Variants in RTN2 observed in about 807,000 individuals in gnomAD.
The protein encoded by RTN2 is reticulon 2.
Under a neutral mutation model 63.7 loss-of-function variants are expected in RTN2, and 36 were observed. That is an observed-to-expected ratio of 0.56 (90% CI 0.43 to 0.75). The LOEUF (loss-of-function observed/expected upper bound fraction) is 0.75. Ranked by LOEUF, RTN2 falls within the 30% of genes least tolerant of loss-of-function variation. RTN2 has a pLI of 0.00. For synonymous variants in RTN2, 312 were observed against 313.0 expected, an observed-to-expected ratio of 1.00 and a Z score of 0.03; for missense variants, 673 against 705.1, an observed-to-expected ratio of 0.95 and a Z score of 0.52.
chr19:45,496,453 A>G (rs1473918418), intron 1 of RTN2: 3 of 251,476 alleles, frequency 1.2e-5, no homozygotes, highest in Admixed American at 5.5e-5. Flanking sequence ...CCCTCCGTTC[A>G]ACCCCCTCCC....
intron 8 of RTN2, 44 bp downstream of exon 8, chr19:45,488,593 A>G (rs756813781): frequency 1.2e-6 from 2 of 1,612,990 alleles, no homozygotes; most frequent in Admixed American, 1.7e-5. Flanking sequence ...GTCCCCCACC[A>G]GACTCCAAGT....
chr19:45,488,326 A>G (rs1001395656), intron 9 of RTN2, 145 bp downstream of exon 9: 2 of 768,112 alleles, frequency 2.6e-6, no homozygotes, highest in South Asian at 3.3e-5. Flanking sequence ...CATGTTACTT[A>G]GACTCTGGTT....
intron 4 of RTN2, 171 bp downstream of exon 4, chr19:45,493,995 A>C: frequency 1.8e-6 from 2 of 1,138,136 alleles, no homozygotes; most frequent in Non-Finnish European, 1.2e-6. Context: ...CGGCCGGGGA[A>C]ATTTTTTTAA....
chr19:45,494,144 C>T lies in RTN2; in HGVS notation c.814+22G>A. The stretch of plus-strand genomic sequence containing the variant: ...TTTTGCCTTCTGTGGGCCAATGCAG[C>T]ATCTTCATACACGTTGCTTACCTAG... On this transcript the variant is annotated intron_variant, in intron 4 of 10. Coordinates refer to ENST00000245923, the MANE Select transcript of RTN2 (RefSeq NM_005619.5). This position sits in a 1 kb window ranked among gnomAD's most constrained non-coding sequence, Gnocchi z 5.3. 1 of 1,597,538 alleles carries T rather than the reference C, an allele frequency of 6.3e-7. No homozygotes were observed. The highest frequency in any genetic ancestry group is 8.5e-7 in the Non-Finnish European group (1 of 1,177,988).
chr19:45,493,429 C>A, intron 4 of RTN2, 51 bp from the exon 5 acceptor site: 1 of 1,310,316 alleles, frequency 7.6e-7, no homozygotes, highest in Non-Finnish European at 1.1e-6. Flanking sequence ...TACAACTGGC[C>A]AATAGATGTG....
intron 4 of RTN2, 175 bp downstream of exon 4, chr19:45,493,991 G>A: frequency 1.8e-6 from 2 of 1,092,054 alleles, no homozygotes; most frequent in South Asian, 3.1e-5. Context: ...CGCCCGGCCG[G>A]GGAAATTTTT....
chr19:45,487,583 G>GTTTTTTTTTTTTTTTTTTTTTTTTTGTTT (rs4031036), intron 9 of RTN2, among the ~76,000 whole-genome samples: 1 of 105,754 alleles, frequency 9.5e-6, no homozygotes, highest in Non-Finnish European at 1.9e-5. Context: ...TTATTTTTTG[G>GTTTTTTTTTTTTTTTTTTTTTTTTTGTTT]TTTTTTTTTT....
Position 45,494,719 on chromosome 19 carries a change from T to G in RTN2, c.366A>C (p.Gly122=). 1 of 1,612,876 alleles carries G rather than the reference T, an allele frequency of 6.2e-7. No homozygotes were observed. Among genetic ancestry groups the G allele is most frequent in the South Asian group, 1.1e-5 (1 of 91,084 alleles). The change falls in exon 3 of 11, where the codon GGA becomes GGC. Residue 122 remains glycine, a synonymous_variant. Coordinates refer to ENST00000245923, the MANE Select transcript of RTN2 (RefSeq NM_005619.5). The surrounding 1 kb of genome is among the most constrained non-coding windows in gnomAD (Gnocchi z 5.3). ...GCGCGGTGTCAGGATCACCCCGTCGTCCAGGCTCCGGGGATTGGCTCAGGC... is the reference window on the plus strand; with the variant it reads ...GCGCGGTGTCAGGATCACCCCGTCGGCCAGGCTCCGGGGATTGGCTCAGGC... ...IPSLSQSPEP[G]RRGDPDTAPP...
intron 1 of RTN2, 43 bp from the exon 2 acceptor site, chr19:45,495,182 G>T: frequency 6.2e-7 from 1 of 1,608,378 alleles, no homozygotes; most frequent in Non-Finnish European, 8.5e-7. Flanking sequence ...AGCTTAGACT[G>T]TCCGAATCAC....
At position 45,489,359 on chromosome 19, in the gene RTN2, C is replaced by A. The variant is rs1259812499; in HGVS notation, c.1228G>T (p.Ala410Ser). The A allele has an allele frequency of 6.4e-7, 1 of 1,566,326 alleles. No homozygotes were observed. ...VLQAVHRGDG[A>S]NPFQAYLDVD... is the part of the protein sequence containing the mutation. ...GGGGGTTCTCACTGGAAAGGGTTGG[C>A]TCCATCCCCCCGGTGCACGGCCTGC... Residue 410 changes from alanine (A) to serine (S), a missense_variant, in exon 6 of 11, where the codon GCC becomes TCC. Physicochemically the swap from Ala to Ser is moderately conservative, Grantham distance 99 (BLOSUM62 1). Coordinates refer to ENST00000245923, the MANE Select transcript of RTN2 (RefSeq NM_005619.5).
At position 45,494,720 on chromosome 19, in the gene RTN2, C is replaced by T. The variant is rs1420470332; in HGVS notation, c.365G>A (p.Gly122Glu). ...CGCGGTGTCAGGATCACCCCGTCGT[C>T]CAGGCTCCGGGGATTGGCTCAGGCT... is the stretch of plus-strand genomic sequence containing the variant. Reference protein sequence around the residue: ...IPSLSQSPEPGRRGDPDTAPP... With the variant: ...IPSLSQSPEPERRGDPDTAPP... The change falls in exon 3 of 11, where the codon GGA becomes GAA. Residue 122 changes from glycine (G) to glutamate (E), a missense_variant. Coordinates refer to ENST00000245923, the MANE Select transcript of RTN2 (RefSeq NM_005619.5). This position sits in a 1 kb window ranked among gnomAD's most constrained non-coding sequence, Gnocchi z 5.3. The T allele has an allele frequency of 6.2e-7, 1 of 1,612,738 alleles. No homozygotes were observed. Among genetic ancestry groups the T allele is most frequent in the East Asian group, 2.2e-5 (1 of 44,900 alleles).
Position 45,485,604 on chromosome 19 carries a change from G to A in RTN2, c.*104C>T. 1 of 924,360 alleles carries A rather than the reference G, an allele frequency of 1.1e-6. No homozygotes were observed. The highest frequency in any genetic ancestry group is 1.4e-5 in the South Asian group (1 of 73,634). 57.3% of individuals were successfully genotyped at this position (924,360 alleles called of 1,614,324 possible). A position where few individuals can be genotyped will look rare whatever the true frequency, so the allele number is the denominator to read the frequency against. ...GTGATCCTGACACCCACCGGGAAAA[G>A]GCTCGGGCCGAGGAGGGGGGTGGGT... On this transcript the variant is annotated 3_prime_UTR_variant, in exon 11 of 11. Coordinates refer to ENST00000245923, the MANE Select transcript of RTN2 (RefSeq NM_005619.5).
intron 5 of RTN2, among the ~76,000 whole-genome samples, chr19:45,491,171 T>C (rs1199180849): frequency 2.0e-5 from 3 of 151,480 alleles, no homozygotes; most frequent in African/African-American, 7.3e-5. Flanking sequence ...ATTACAGGCG[T>C]GAGCCACCAC....
Position 45,493,386 on chromosome 19 carries a change from C to T in RTN2, c.815-8G>A. ...ACCATTCCATAGCTGTTCCTGGAGG[C>T]GGAGCATATTTTAAAGTAAGGCTGG... On this transcript the variant is annotated splice_polypyrimidine_tract_variant and splice_region_variant and intron_variant, in intron 4 of 10. Transcript: ENST00000245923. 1 of 1,598,234 alleles carries T rather than the reference C, an allele frequency of 6.3e-7. No individual in the cohort carries two copies. Among genetic ancestry groups the T allele is most frequent in the Non-Finnish European group, 8.5e-7 (1 of 1,171,318 alleles).
In RTN2 at chr19:45,494,489, C is replaced by G; in HGVS notation, c.559+37G>C. 6.2e-7 allele frequency: 1 copy of G among 1,606,240 alleles called. No homozygotes were observed. The highest frequency in any genetic ancestry group is 1.7e-5 in the Admixed American group (1 of 59,548). On this transcript the variant is annotated intron_variant, in intron 3 of 10. Transcript: ENST00000245923. This position sits in a 1 kb window ranked among gnomAD's most constrained non-coding sequence, Gnocchi z 5.3. ...GTGCCCCAAGGAGAAACCACCCACCCCTCTTGGCTTTGGTCCCAGCACCTC... is the reference window on the plus strand; with the variant it reads ...GTGCCCCAAGGAGAAACCACCCACCGCTCTTGGCTTTGGTCCCAGCACCTC...
intron 1 of RTN2, 159 bp from the exon 2 acceptor site, chr19:45,495,298 A>T (rs1968249021): frequency 1.3e-6 from 1 of 754,912 alleles, no homozygotes; most frequent in African/African-American, 1.8e-5. Flanking sequence ...TGAAGCTCAG[A>T]GTCTTTGAAG....
In RTN2 at chr19:45,496,846, C is replaced by T. The variant is rs750795899; in HGVS notation, c.-21G>A. 4.1e-6 allele frequency: 6 copies of T among 1,461,660 alleles called. No individual in the cohort carries two copies. In the Admixed American group the frequency reaches 1.3e-4, roughly 33 times the overall value. 90.5% of individuals were successfully genotyped at this position (1,461,660 alleles called of 1,614,324 possible). ...CCCATGGCCCCCCTCGGGCCTGCATCGGGACCCCCGCCCACTCCGGCTGTG... is the reference window on the plus strand; with the variant it reads ...CCCATGGCCCCCCTCGGGCCTGCATTGGGACCCCCGCCCACTCCGGCTGTG... On this transcript the variant is annotated 5_prime_UTR_variant, in exon 1 of 11. Coordinates refer to ENST00000245923, the MANE Select transcript of RTN2 (RefSeq NM_005619.5).
Position 45,494,695 on chromosome 19 carries a change from C to A in RTN2, c.390G>T (p.Ala130=). 1.9e-6 allele frequency: 3 copies of A among 1,613,556 alleles called. No individual in the cohort carries two copies. Among genetic ancestry groups the A allele is most frequent in the Non-Finnish European group, 1.7e-6 (2 of 1,179,970 alleles). Residue 130 remains alanine, a synonymous_variant, in exon 3 of 11, where the codon GCG becomes GCT. Coordinates refer to ENST00000245923, the MANE Select transcript of RTN2 (RefSeq NM_005619.5). This position sits in a 1 kb window ranked among gnomAD's most constrained non-coding sequence, Gnocchi z 5.3. ...CTTCCAGAGGGCGCTCGGATGGAGG[C>A]GCGGTGTCAGGATCACCCCGTCGTC... ...EPGRRGDPDT[A]PPSERPLEDL... is the part of the protein sequence containing the mutation.
chr19:45,489,024 G>A, intron 6 of RTN2, 38 bp from the exon 7 acceptor site: 1 of 1,600,404 alleles, frequency 6.2e-7, no homozygotes, highest in East Asian at 2.3e-5. Flanking sequence ...CTCAGTGGGT[G>A]ACCAGCTCAG....
Sources: allele counts gnomAD v4.1 joint callset (sites outside exome capture counted in the v4.1 genomes callset), GRCh38; gene constraint gnomAD v4.1.1; non-coding constraint Gnocchi (gnomAD v3.1); transcripts MANE v1.5; gene names NCBI Gene and HGNC (gene_info 2026-07-23, HGNC 2026-07-21).